Variants in UGT8 observed in about 807,000 individuals in gnomAD.
UGT8 encodes UDP glycosyltransferase 8.
UGT8 carries 12 observed loss-of-function variants against 40.5 expected under a neutral mutation model. The ratio of observed to expected loss-of-function variants is 0.30; its 90% CI spans 0.19 to 0.48. UGT8 has a LOEUF of 0.48. Ranked by LOEUF, UGT8 falls within the 20% of genes least tolerant of loss-of-function variation. The probability of loss-of-function intolerance (pLI) is 0.99; values close to 1 mark genes in which losing one functional copy is unlikely to be tolerated. For synonymous variants in UGT8, 224 were observed against 240.4 expected (o/e 0.93, Z 0.63); for missense variants, 513 against 648.7 (o/e 0.79, Z 2.27).
At chr4:114,607,241 A>T (rs1730790302) in intron 1 of UGT8, among the ~76,000 whole-genome samples, 1 of 152,162 alleles carries the variant, frequency 6.6e-6, no homozygotes. Flanking sequence ...GGGGAATTTG[A>T]TGTTAAAACT....
intron 1 of UGT8, among the ~76,000 whole-genome samples, chr4:114,621,942 A>G (rs1731822134): frequency 6.6e-6 from 1 of 151,650 alleles, no homozygotes; most frequent in South Asian, 2.1e-4. Context: ...GTATAATACT[A>G]TAGAATGCAT....
chr4:114,630,694 C>G (rs1732515733), intron 2 of UGT8, among the ~76,000 whole-genome samples: 2 of 151,506 alleles, frequency 1.3e-5, no homozygotes, highest in African/African-American at 4.9e-5. Context: ...AGGACGATGA[C>G]AATTGTGTGA....
intron 1 of UGT8, among the ~76,000 whole-genome samples, chr4:114,621,154 GA>G (rs1045704309): frequency 6.6e-5 from 10 of 152,082 alleles, no homozygotes; most frequent in Non-Finnish European, 1.2e-4. Context: ...CTGTTAACAT[GA>G]AAAGGTAGGA....
chr4:114,643,288 A>G (rs1411155980), intron 2 of UGT8, among the ~76,000 whole-genome samples: 1 of 152,178 alleles, frequency 6.6e-6, no homozygotes, highest in Non-Finnish European at 1.5e-5. Flanking sequence ...ATAGTTACAC[A>G]GGTTTGGAGA....
chr4:114,643,856 T>G (rs1011036400), intron 2 of UGT8, among the ~76,000 whole-genome samples: 13 of 152,172 alleles, frequency 8.5e-5, no homozygotes, highest in Admixed American at 7.9e-4. Flanking sequence ...TCTCAATGCT[T>G]CTTTCTTTCT....
chr4:114,667,261 G>A (rs1407214281), intron 4 of UGT8, among the ~76,000 whole-genome samples: 3 of 152,060 alleles, frequency 2.0e-5, no homozygotes, highest in African/African-American at 4.8e-5. Context: ...TTAAAAGATC[G>A]ACATTTCAGC....
At position 114,657,617 on chromosome 4, in the gene UGT8, A is replaced by G. The variant is rs114522712; in HGVS notation, c.823-6378A>G. ...ACTTTTCATTTATGTATTTTAAACA[A>G]CTTTATTCTGAAAAGTCCAAAACAT... On this transcript the variant is annotated intron_variant, in intron 2 of 5. Transcript: ENST00000310836. Among the ~76,000 whole-genome samples, 1,100 of 152,300 alleles carry G rather than the reference A, an allele frequency of 7.2e-3. 16 individuals are homozygous for G. Among genetic ancestry groups the G allele is most frequent in the African/African-American group, 0.025 (1,021 of 41,558 alleles).
chr4:114,670,527 G>A (rs530090076), intron 5 of UGT8, among the ~76,000 whole-genome samples: 10 of 149,114 alleles, frequency 6.7e-5, no homozygotes, highest in Non-Finnish European at 1.5e-4. Flanking sequence ...AAATCTATAA[G>A]GTAATCTATC....
At chr4:114,607,367 T>G (rs1730797591) in intron 1 of UGT8, among the ~76,000 whole-genome samples, 3 of 152,200 alleles carry the variant, frequency 2.0e-5, no homozygotes. Context: ...TCTGTAGTCC[T>G]CAGTAATCTC....
intron 2 of UGT8, among the ~76,000 whole-genome samples, chr4:114,626,246 T>C (rs963093669): frequency 1.3e-5 from 2 of 152,222 alleles, no homozygotes; most frequent in South Asian, 4.1e-4. Context: ...GATAATAAAC[T>C]GTACCTTTTC....
chr4:114,612,053 A>T (rs1731125991), intron 1 of UGT8, among the ~76,000 whole-genome samples: 1 of 152,206 alleles, frequency 6.6e-6, no homozygotes, highest in Non-Finnish European at 1.5e-5. Context: ...TAATGAAAAA[A>T]TTCTGATCAT....
At chr4:114,620,754 T>A (rs1731733505) in intron 1 of UGT8, among the ~76,000 whole-genome samples, 1 of 152,188 alleles carries the variant, frequency 6.6e-6, no homozygotes, top group Non-Finnish European at 1.5e-5. Context: ...TTCAATCTTG[T>A]TATTGGAAGA....
At chr4:114,669,030 C>T (rs1190694664) in intron 5 of UGT8, among the ~76,000 whole-genome samples, 5 of 151,988 alleles carry the variant, frequency 3.3e-5, no homozygotes, top group East Asian at 1.9e-4. Flanking sequence ...ATATTAGAAG[C>T]GTATAAGCTT....
intron 1 of UGT8, among the ~76,000 whole-genome samples, chr4:114,621,551 A>G (rs1731791414): frequency 6.6e-6 from 1 of 152,208 alleles, no homozygotes; most frequent in Non-Finnish European, 1.5e-5. Context: ...ATAACTGCAA[A>G]TGTAACCATT....
chr4:114,633,925 CAG>C (rs1193897226), intron 2 of UGT8, among the ~76,000 whole-genome samples: 1 of 150,600 alleles, frequency 6.6e-6, no homozygotes, highest in Non-Finnish European at 1.5e-5. Flanking sequence ...GCCTGGAGGA[CAG>C]AGTGAGACTG....
intron 2 of UGT8, among the ~76,000 whole-genome samples, chr4:114,660,890 CAA>C (rs34026143): frequency 1.7e-4 from 17 of 102,912 alleles, no homozygotes; most frequent in African/African-American, 2.3e-4. Context: ...GACTCTGTCT[CAA>C]AAAAAAAAAA....
intron 5 of UGT8, among the ~76,000 whole-genome samples, chr4:114,671,224 A>G (rs1021426632): frequency 2.6e-5 from 4 of 152,242 alleles, no homozygotes; most frequent in African/African-American, 9.6e-5. Flanking sequence ...GAAAATGGCT[A>G]TACTGCCCAA....
Position 114,676,354 on chromosome 4 carries a change from C to T in UGT8, c.*66C>T. On this transcript the variant is annotated 3_prime_UTR_variant, in exon 6 of 6. Transcript: ENST00000310836. Reference sequence around the variant, plus strand: ...TGAATTTTTATTGCTATTATTTAGTCTAACAGCTACTAAAAGTAAAACATC... The same window carrying T: ...TGAATTTTTATTGCTATTATTTAGTTTAACAGCTACTAAAAGTAAAACATC... 7.6e-7 allele frequency: 1 copy of T among 1,315,028 alleles called. No individual in the cohort carries two copies. The highest frequency in any genetic ancestry group is 1.5e-5 in the African/African-American group (1 of 67,926). The allele number at this position is 1,315,028 out of a possible 1,614,324, so 81.5% of individuals were successfully genotyped here.
intron 1 of UGT8, among the ~76,000 whole-genome samples, chr4:114,599,221 C>A (rs1276722187): frequency 6.6e-6 from 1 of 152,046 alleles, no homozygotes; most frequent in Non-Finnish European, 1.5e-5. Context: ...TTAGGCTGGC[C>A]CCTCATAGCG....
Sources: gnomAD v4.1 joint callset for allele counts (sites outside exome capture counted in the v4.1 genomes callset) on GRCh38, gnomAD v4.1.1 for gene constraint, MANE v1.5 for transcripts, NCBI Gene and HGNC (gene_info 2026-07-23, HGNC 2026-07-21) for gene names.